UBASH3B: variants seen among roughly 807,000 people sequenced by gnomAD.
UBASH3B encodes the protein ubiquitin-associated and SH3 domain-containing protein B.
In UBASH3B, 37 loss-of-function variants were observed where a neutral mutation model predicts 83.4. That is an observed-to-expected ratio of 0.44 (90% confidence interval 0.34 to 0.58). UBASH3B has a LOEUF of 0.58. UBASH3B is among the 20% of genes least tolerant of loss of function. UBASH3B has a pLI of 0.01. For synonymous variants in UBASH3B, 304 were observed against 318.3 expected, an observed-to-expected ratio of 0.96 and a Z score of 0.48; for missense variants, 657 against 827.2, an observed-to-expected ratio of 0.79 and a Z score of 2.52.
intron 1 of UBASH3B, among the ~76,000 whole-genome samples, chr11:122,727,161 C>T (rs867263307): frequency 2.1e-4 from 32 of 152,304 alleles, no homozygotes; most frequent in African/African-American, 6.0e-4. Context: ...CGCGTCCTGC[C>T]GGGGACTCCT....
intron 1 of UBASH3B, among the ~76,000 whole-genome samples, chr11:122,674,705 C>T (rs961846719): frequency 6.7e-6 from 1 of 148,354 alleles, no homozygotes; most frequent in Non-Finnish European, 1.5e-5. Flanking sequence ...TTACTCAGCA[C>T]AGCAAAGCTC....
chr11:122,692,618 T>C (rs1050247693), intron 1 of UBASH3B, among the ~76,000 whole-genome samples: 1 of 152,212 alleles, frequency 6.6e-6, no homozygotes, highest in African/African-American at 2.4e-5. Flanking sequence ...GTTTGCATAC[T>C]GCCGAGGGCA....
At chr11:122,680,652 G>A (rs1410548050) in intron 1 of UBASH3B, among the ~76,000 whole-genome samples, 1 of 152,036 alleles carries the variant, frequency 6.6e-6, no homozygotes, top group Non-Finnish European at 1.5e-5. Context: ...TAGTAGAGAC[G>A]GAGTTTCTCC....
At chr11:122,713,075 T>C (rs112548033) in intron 1 of UBASH3B, among the ~76,000 whole-genome samples, 19,212 of 151,326 alleles carry the variant, frequency 0.13, 1,350 homozygotes, top group African/African-American at 0.18. Flanking sequence ...GCCCAGCTAA[T>C]TTTTTGTATT....
In UBASH3B at chr11:122,806,566, T is replaced by C; in HGVS notation, c.1702+50T>C. The C allele has an allele frequency of 6.7e-7, 1 of 1,496,792 alleles. No homozygotes were observed. The highest frequency in any genetic ancestry group is 8.8e-7 in the Non-Finnish European group (1 of 1,130,210). 92.7% of individuals were successfully genotyped at this position (1,496,792 alleles called of 1,614,324 possible). On this transcript the variant is annotated intron_variant, in intron 12 of 13. Transcript: ENST00000284273. This position sits in a 1 kb window ranked among gnomAD's most constrained non-coding sequence, Gnocchi z 4.0. ...ATCTGTACATACGTGATTATTTCTC[T>C]ATAATGGTTAATAGGTTATTCAAGA...
chr11:122,802,284 C>T (rs1050679607), intron 11 of UBASH3B, among the ~76,000 whole-genome samples: 2 of 134,366 alleles, frequency 1.5e-5, no homozygotes, highest in African/African-American at 5.7e-5. Flanking sequence ...CACTGCACTC[C>T]AGCCTGGTGA....
intron 1 of UBASH3B, among the ~76,000 whole-genome samples, chr11:122,766,707 A>G (rs1426268289): frequency 1.3e-5 from 2 of 151,972 alleles, no homozygotes; most frequent in Non-Finnish European, 2.9e-5. Flanking sequence ...CGTGCCACTG[A>G]ACTCCAGCCT....
intron 1 of UBASH3B, among the ~76,000 whole-genome samples, chr11:122,681,578 C>G (rs889873089): frequency 6.6e-6 from 1 of 152,160 alleles, no homozygotes; most frequent in African/African-American, 2.4e-5. Flanking sequence ...AAGTAGGGAC[C>G]TGGTCATCCA....
intron 1 of UBASH3B, among the ~76,000 whole-genome samples, chr11:122,697,177 A>G (rs1401015098): frequency 6.6e-6 from 1 of 152,228 alleles, no homozygotes; most frequent in East Asian, 1.9e-4. Flanking sequence ...TTTCAAACTC[A>G]AGTAATTGGA....
In UBASH3B at chr11:122,758,109, C is replaced by A. The variant is rs1423279881; in HGVS notation, c.162-18110C>A. On this transcript the variant is annotated intron_variant, in intron 1 of 13. Transcript: ENST00000284273. This position sits in a 1 kb window ranked among gnomAD's most constrained non-coding sequence, Gnocchi z 4.2. Reference sequence around the variant, plus strand: ...GGTGTCTTTACCAAGTGCCAAATTGCCAGATTCCCTGAGCGCTGGGAACTG... The same window carrying A: ...GGTGTCTTTACCAAGTGCCAAATTGACAGATTCCCTGAGCGCTGGGAACTG... Among the ~76,000 whole-genome samples, 3 of 152,112 alleles carry A rather than the reference C, an allele frequency of 2.0e-5. No homozygotes were observed. Among genetic ancestry groups the A allele is most frequent in the African/African-American group, 7.2e-5 (3 of 41,424 alleles).
At chr11:122,662,970 G>GTTTTTTTT (rs1863465557) in intron 1 of UBASH3B, among the ~76,000 whole-genome samples, 1 of 129,252 alleles carries the variant, frequency 7.7e-6, no homozygotes, top group African/African-American at 3.1e-5. Context: ...ACGCGCTAAT[G>GTTTTTTTT]TCTTTTTTTT....
At chr11:122,706,538 C>T (rs993627416) in intron 1 of UBASH3B, among the ~76,000 whole-genome samples, 6 of 152,054 alleles carry the variant, frequency 3.9e-5, no homozygotes, top group Non-Finnish European at 7.4e-5. Context: ...TACCTAGATA[C>T]GAGATTCTTT....
chr11:122,724,492 C>T (rs1860697282), intron 1 of UBASH3B, among the ~76,000 whole-genome samples: 1 of 152,136 alleles, frequency 6.6e-6, no homozygotes, highest in Non-Finnish European at 1.5e-5. Context: ...TGAAAACAGA[C>T]CACTGCCATG....
intron 1 of UBASH3B, among the ~76,000 whole-genome samples, chr11:122,686,840 G>A (rs1011778495): frequency 1.2e-4 from 18 of 151,654 alleles, no homozygotes; most frequent in Admixed American, 8.5e-4. Flanking sequence ...TCTAAGCCCT[G>A]TTTTTCGGTA....
chr11:122,785,686 C>T (rs1404117565), intron 5 of UBASH3B, among the ~76,000 whole-genome samples: 1 of 152,214 alleles, frequency 6.6e-6, no homozygotes, highest in Admixed American at 6.5e-5. Context: ...CAAATCCTGG[C>T]TCCATCACTT....
intron 1 of UBASH3B, among the ~76,000 whole-genome samples, chr11:122,756,044 G>T (rs1319481564): frequency 6.6e-6 from 1 of 151,398 alleles, no homozygotes; most frequent in Non-Finnish European, 1.5e-5. Flanking sequence ...TAATTAGGAC[G>T]GAAGGAATCC....
chr11:122,687,677 A>G lies in UBASH3B; in HGVS notation c.161+31467A>G, dbSNP rs183901157. Among the ~76,000 whole-genome samples the G allele has an allele frequency of 3.1e-3, 468 of 152,306 alleles. 4 individuals are homozygous for G. The highest frequency in any genetic ancestry group is 1.8e-3 in the Non-Finnish European group (120 of 68,038). On this transcript the variant is annotated intron_variant, in intron 1 of 13. Coordinates refer to ENST00000284273, the MANE Select transcript of UBASH3B (RefSeq NM_032873.5). ...ACAGATGAGAAAGTTAAGAATTTGCACAGCATCACTCAGTAAAATGGGATC... is the reference window on the plus strand; with the variant it reads ...ACAGATGAGAAAGTTAAGAATTTGCGCAGCATCACTCAGTAAAATGGGATC...
intron 5 of UBASH3B, 71 bp from the exon 6 acceptor site, chr11:122,789,029 C>G: frequency 1.4e-6 from 2 of 1,385,724 alleles, no homozygotes; most frequent in Admixed American, 3.5e-5. Flanking sequence ...GCAGAACATA[C>G]AGTCCTGCCC....
chr11:122,778,065 C>T (rs1364298324), intron 3 of UBASH3B, among the ~76,000 whole-genome samples: 1 of 152,132 alleles, frequency 6.6e-6, no homozygotes, highest in African/African-American at 2.4e-5. Context: ...CACTATCACA[C>T]ATGTAAATAC....
Sources: gnomAD v4.1 joint callset for allele counts (sites outside exome capture counted in the v4.1 genomes callset) on GRCh38, gnomAD v4.1.1 for gene constraint, Gnocchi (gnomAD v3.1) non-coding constraint, MANE v1.5 for transcripts, NCBI Gene and HGNC (gene_info 2026-07-23, HGNC 2026-07-21) for gene names.